The following PLXDC2 variants were observed in gnomAD, a reference collection of about 807,000 sequenced individuals.
The protein encoded by PLXDC2 is plexin domain-containing protein 2.
In PLXDC2, 40 loss-of-function variants were observed where a neutral mutation model predicts 68.9. The ratio of observed to expected loss-of-function variants is 0.58; its 90% confidence interval spans 0.45 to 0.76. PLXDC2 has a LOEUF of 0.76. Ranked by LOEUF, PLXDC2 falls within the 30% of genes least tolerant of loss-of-function variation. PLXDC2 has a pLI of 0.00. For missense variants in PLXDC2, 644 were observed against 661.9 expected (o/e 0.97, Z 0.30); for synonymous variants, 243 against 234.2 (o/e 1.04, Z -0.34).
intron 1 of PLXDC2, among the ~76,000 whole-genome samples, chr10:19,973,223 TATATATATGTATATACACAC>T (rs1431633609): frequency 2.0e-5 from 3 of 150,042 alleles, no homozygotes; most frequent in Non-Finnish European, 4.4e-5. Flanking sequence ...AAGATCTGCG[TATATATATGTATATACACAC>T]ATATATATGT....
chr10:20,106,929 A>G (rs1015222077), intron 4 of PLXDC2, among the ~76,000 whole-genome samples: 2 of 151,404 alleles, frequency 1.3e-5, no homozygotes, highest in African/African-American at 2.4e-5. Flanking sequence ...AAGTAACAGT[A>G]AAAGCTAAAA....
In PLXDC2 at chr10:20,195,796, T is replaced by C. The variant is rs112597893; in HGVS notation, c.1062-15873T>C. On this transcript the variant is annotated intron_variant, in intron 9 of 13. Coordinates refer to ENST00000377252, the MANE Select transcript of PLXDC2 (RefSeq NM_032812.9). ...GAACAGAGATGAGTTGATTCATTCA[T>C]GGTTGATGTTCCCGAGGAAGATAGA... is the stretch of plus-strand genomic sequence containing the variant. Among the ~76,000 whole-genome samples, 460 of 152,274 alleles carry C rather than the reference T, an allele frequency of 3.0e-3. 1 individual carries two copies. The highest frequency in any genetic ancestry group is 0.011 in the African/African-American group (438 of 41,570).
chr10:20,001,113 C>T (rs900549320), intron 1 of PLXDC2, among the ~76,000 whole-genome samples: 5 of 152,302 alleles, frequency 3.3e-5, no homozygotes, highest in Non-Finnish European at 7.3e-5. Flanking sequence ...TCACTGTCAT[C>T]CTTTAGACCC....
At chr10:19,958,489 G>A (rs765956134) in intron 1 of PLXDC2, among the ~76,000 whole-genome samples, 26 of 152,050 alleles carry the variant, frequency 1.7e-4, no homozygotes, top group Non-Finnish European at 1.3e-4. Flanking sequence ...GAAAACTGAC[G>A]TATCCCCTTT....
At chr10:20,072,493 G>GAAGGAACAAAGAAAGAAAGAA (rs10687286) in intron 4 of PLXDC2, among the ~76,000 whole-genome samples, 2 of 80,704 alleles carry the variant, frequency 2.5e-5, no homozygotes, top group Non-Finnish European at 4.9e-5. Flanking sequence ...AAGAAAGAAA[G>GAAGGAACAAAGAAAGAAAGAA]AGAAAGAAAG....
chr10:20,065,546 ACTTT>A (rs1167676218), intron 3 of PLXDC2, among the ~76,000 whole-genome samples: 3 of 152,168 alleles, frequency 2.0e-5, no homozygotes, highest in Admixed American at 2.0e-4. Context: ...TTTATCGTGC[ACTTT>A]ATTTCTATTA....
At chr10:20,192,967 T>G (rs1347947558) in intron 9 of PLXDC2, among the ~76,000 whole-genome samples, 1 of 152,018 alleles carries the variant, frequency 6.6e-6, no homozygotes, top group Non-Finnish European at 1.5e-5. Flanking sequence ...TGTCTTAGGT[T>G]TGTTGTCCCA....
intron 1 of PLXDC2, among the ~76,000 whole-genome samples, chr10:19,927,145 C>G (rs1298884843): frequency 6.6e-6 from 1 of 152,108 alleles, no homozygotes; most frequent in African/African-American, 2.4e-5. Context: ...CTAAAACATT[C>G]AAGGTGCTCT....
intron 13 of PLXDC2, among the ~76,000 whole-genome samples, chr10:20,279,421 A>C (rs2119398119): frequency 6.6e-6 from 1 of 152,242 alleles, no homozygotes; most frequent in African/African-American, 2.4e-5. Context: ...CATATGCATA[A>C]GGCATTAAAC....
chr10:19,848,617 G>T (rs1357046911), intron 1 of PLXDC2, among the ~76,000 whole-genome samples: 1 of 152,188 alleles, frequency 6.6e-6, no homozygotes, highest in East Asian at 1.9e-4. Context: ...ACCAAAAGAA[G>T]AAATAACTGT....
At chr10:20,032,488 TC>T (rs1835515807) in intron 2 of PLXDC2, among the ~76,000 whole-genome samples, 1 of 152,168 alleles carries the variant, frequency 6.6e-6, no homozygotes, top group East Asian at 1.9e-4. Context: ...AAAGGATTAC[TC>T]TACTATGTAG....
At chr10:19,975,226 G>A (rs574363701) in intron 1 of PLXDC2, among the ~76,000 whole-genome samples, 67 of 152,102 alleles carry the variant, frequency 4.4e-4, no homozygotes, top group African/African-American at 1.1e-3. Flanking sequence ...AGGCTGAGGC[G>A]GGCGGATCAC....
At chr10:20,215,477 C>T (rs1835123732) in intron 10 of PLXDC2, among the ~76,000 whole-genome samples, 1 of 151,756 alleles carries the variant, frequency 6.6e-6, no homozygotes, top group South Asian at 2.1e-4. Context: ...GAGGCAGTCC[C>T]TCTTCTGGGA....
intron 4 of PLXDC2, among the ~76,000 whole-genome samples, chr10:20,076,207 T>A (rs1160725026): frequency 6.6e-6 from 1 of 152,184 alleles, no homozygotes; most frequent in Non-Finnish European, 1.5e-5. Context: ...AGGACTGACA[T>A]TAGACCCTGG....
At chr10:19,945,678 C>T (rs1833889810) in intron 1 of PLXDC2, among the ~76,000 whole-genome samples, 1 of 152,104 alleles carries the variant, frequency 6.6e-6, no homozygotes, top group Non-Finnish European at 1.5e-5. Flanking sequence ...ACAGTGTTTC[C>T]ATGTTATCTT....
chr10:19,925,085 G>C (rs1833518133), intron 1 of PLXDC2, among the ~76,000 whole-genome samples: 3 of 152,200 alleles, frequency 2.0e-5, no homozygotes. Context: ...ACCTGCTTGA[G>C]ACAGCACAGT....
chr10:20,099,209 G>A (rs1469683132), intron 4 of PLXDC2, among the ~76,000 whole-genome samples: 1 of 152,072 alleles, frequency 6.6e-6, no homozygotes, highest in Non-Finnish European at 1.5e-5. Flanking sequence ...GGAAAATACT[G>A]AAGAGCATGA....
chr10:20,118,063 T>C (rs1480106028), intron 4 of PLXDC2, among the ~76,000 whole-genome samples: 1 of 152,062 alleles, frequency 6.6e-6, no homozygotes, highest in Non-Finnish European at 1.5e-5. Flanking sequence ...TGTATACATA[T>C]GTGTCTATAT....
chr10:20,083,162 T>C (rs995673977), intron 4 of PLXDC2, among the ~76,000 whole-genome samples: 1 of 152,058 alleles, frequency 6.6e-6, no homozygotes. Flanking sequence ...ATTTTCACAA[T>C]CATCTGTGCT....
Sources: gnomAD v4.1 joint callset for allele counts (sites outside exome capture counted in the v4.1 genomes callset) on GRCh38, gnomAD v4.1.1 for gene constraint, MANE v1.5 for transcripts, NCBI Gene and HGNC (gene_info 2026-07-23, HGNC 2026-07-21) for gene names.